HYDIN: variants seen among roughly 807,000 people sequenced by gnomAD.
The protein encoded by HYDIN is HYDIN axonemal central pair apparatus protein.
Under a neutral mutation model 403.9 loss-of-function variants are expected in HYDIN, and 132 were observed. The observed-to-expected ratio is 0.33, with a 90% CI of 0.28 to 0.38. The LOEUF (loss-of-function observed/expected upper bound fraction) is 0.38. HYDIN is among the 10% of genes least tolerant of loss of function. HYDIN has a pLI of 1.00. For synonymous variants in HYDIN, 1,202 were observed against 1,891.7 expected, an observed-to-expected ratio of 0.64 and a Z score of 9.46; for missense variants, 2,827 against 5,009.5, an observed-to-expected ratio of 0.56 and a Z score of 13.15.
chr16:70,938,247 G>A (rs1173357457), intron 44 of HYDIN, among the ~76,000 whole-genome samples: 5 of 152,222 alleles, frequency 3.3e-5, no homozygotes, highest in South Asian at 2.1e-4. Flanking sequence ...TTGAAGCACC[G>A]AGGCAGTGAG....
intron 83 of HYDIN, among the ~76,000 whole-genome samples, chr16:70,821,968 G>A (rs190799820): frequency 6.6e-6 from 1 of 152,122 alleles, no homozygotes; most frequent in Admixed American, 6.6e-5. Flanking sequence ...GGACACCCAG[G>A]AGCTCTGATG....
At chr16:70,995,444 A>C (rs1396028939) in intron 23 of HYDIN, among the ~76,000 whole-genome samples, 1 of 152,150 alleles carries the variant, frequency 6.6e-6, no homozygotes, top group Admixed American at 6.5e-5. Context: ...CCCGCTCATC[A>C]GCAGCACTGG....
At chr16:71,165,726 T>A (rs2086192878) in intron 5 of HYDIN, among the ~76,000 whole-genome samples, 3 of 152,072 alleles carry the variant, frequency 2.0e-5, no homozygotes, top group African/African-American at 7.2e-5. Flanking sequence ...AGAGCTCTTT[T>A]ACATGGCGTG....
intron 1 of HYDIN, 67 bp downstream of exon 1, chr16:71,230,495 G>A: frequency 6.9e-7 from 1 of 1,458,742 alleles, no homozygotes; most frequent in Admixed American, 2.3e-5. Flanking sequence ...ACGAAAAGAG[G>A]GGACGCCCCG....
chr16:70,852,655 C>T (rs2038732385), intron 73 of HYDIN: 1 of 150,758 alleles, frequency 6.6e-6, no homozygotes, highest in Admixed American at 6.6e-5. Context: ...CATGAAGAGA[C>T]ATTTCACTGA....
chr16:70,871,798 T>C (rs569286771), intron 65 of HYDIN, among the ~76,000 whole-genome samples: 18 of 128,268 alleles, frequency 1.4e-4, no homozygotes, highest in Admixed American at 4.1e-4. Context: ...ACAGGGCCCG[T>C]TGACAGCAGC....
chr16:70,992,208 A>G lies in HYDIN; in HGVS notation c.3647T>C (p.Phe1216Ser), dbSNP rs780520206. ...GTAGGGCTTCTTCGGCAATGTCACAAACCTACCAAAGCATGGGACAGGGAA... is the reference window on the plus strand; with the variant it reads ...GTAGGGCTTCTTCGGCAATGTCACAGACCTACCAAAGCATGGGACAGGGAA... ...LVNDEENQIRFVTLPKKPYSA... is the reference protein window; with the variant it reads ...LVNDEENQIRSVTLPKKPYSA... Residue 1216 changes from phenylalanine to serine, a missense_variant and splice_region_variant, in exon 24 of 86, where the codon TTT becomes TCT. By Grantham distance (155) the Phe-to-Ser change is radical. Transcript: ENST00000393567. The G allele has an allele frequency of 1.9e-6, 3 of 1,577,372 alleles. No individual in the cohort carries two copies. The highest frequency in any genetic ancestry group is 3.8e-5 in the Admixed American group (2 of 53,206).
intron 85 of HYDIN, among the ~76,000 whole-genome samples, chr16:70,809,073 T>C (rs368503261): frequency 2.0e-5 from 3 of 152,338 alleles, no homozygotes; most frequent in East Asian, 3.9e-4. Context: ...TTCTGTTTTT[T>C]AGAATTTTAT....
At chr16:70,951,248 C>CAGAGAGAGAGAGAGAGAGAGAG (rs376262243) in intron 41 of HYDIN, among the ~76,000 whole-genome samples, 1 of 130,402 alleles carries the variant, frequency 7.7e-6, no homozygotes, top group Non-Finnish European at 1.6e-5. Context: ...GGAAAAGGGA[C>CAGAGAGAGAGAGAGAGAGAGAG]AGAGAGAGAG....
intron 83 of HYDIN, among the ~76,000 whole-genome samples, chr16:70,821,342 T>A (rs2036246554): frequency 6.6e-6 from 1 of 151,798 alleles, no homozygotes; most frequent in African/African-American, 2.4e-5. Flanking sequence ...CCCTTCAGAC[T>A]GAAGAAGATC....
At chr16:70,851,711 A>G (rs529005900) in intron 73 of HYDIN, among the ~76,000 whole-genome samples, 2 of 146,980 alleles carry the variant, frequency 1.4e-5, no homozygotes, top group East Asian at 3.9e-4. Context: ...TCAACACAGC[A>G]ATCTCTTTAC....
chr16:70,990,045 GGAAA>G (rs2079296259), intron 25 of HYDIN, among the ~76,000 whole-genome samples: 1 of 152,144 alleles, frequency 6.6e-6, no homozygotes, highest in Non-Finnish European at 1.5e-5. Context: ...GGTAAAATGG[GGAAA>G]GATAGTGGTA....
chr16:71,230,354 C>T (rs2041225725), intron 1 of HYDIN, among the ~76,000 whole-genome samples: 1 of 152,176 alleles, frequency 6.6e-6, no homozygotes. Context: ...ACCTGTCTGG[C>T]AGGGGAATCC....
In HYDIN at chr16:71,020,193, A is replaced by C. The variant is rs999357433; in HGVS notation, c.3311T>G (p.Leu1104Arg). 26 of 1,613,840 alleles carry C rather than the reference A, an allele frequency of 1.6e-5. No homozygotes were observed. The highest frequency in any genetic ancestry group is 2.2e-5 in the Non-Finnish European group (26 of 1,179,954). ...PFFICETDKS[L>R]LPATPEPIKL... ...AGGTACCTCAGGAGTTGCCGGCAGC[A>C]GGGATTTATCAGTCTCACATATAAA... The change falls in exon 22 of 86, where the codon CTG becomes CGG. Residue 1104 changes from leucine (L) to arginine (R), a missense_variant. Transcript: ENST00000393567.
At chr16:71,188,540 T>A (rs2087268217) in intron 1 of HYDIN, among the ~76,000 whole-genome samples, 2 of 152,126 alleles carry the variant, frequency 1.3e-5, no homozygotes, top group Non-Finnish European at 1.5e-5. Flanking sequence ...TATTTTAGAG[T>A]GTGAAACACC....
chr16:71,225,611 T>C (rs939442015), intron 1 of HYDIN, among the ~76,000 whole-genome samples: 5 of 152,122 alleles, frequency 3.3e-5, no homozygotes, highest in African/African-American at 1.2e-4. Flanking sequence ...ATTCTGGCCA[T>C]AGGTATTGTG....
chr16:71,019,637 ATG>A (rs2080403001), intron 22 of HYDIN, among the ~76,000 whole-genome samples: 1 of 152,256 alleles, frequency 6.6e-6, no homozygotes, highest in African/African-American at 2.4e-5. Flanking sequence ...TTCCAGGAAA[ATG>A]ACATTATTGT....
intron 74 of HYDIN, among the ~76,000 whole-genome samples, 172 bp downstream of exon 74, chr16:70,850,276 A>T (rs971786276): frequency 1.4e-5 from 2 of 146,730 alleles, no homozygotes; most frequent in Non-Finnish European, 1.5e-5. Context: ...TAAGAAAAGC[A>T]TTCACATCAT....
At chr16:71,157,300 G>A (rs1206966959) in intron 6 of HYDIN, among the ~76,000 whole-genome samples, 3 of 151,516 alleles carry the variant, frequency 2.0e-5, no homozygotes, top group South Asian at 4.2e-4. Context: ...AATTTCCTGT[G>A]GGACATTATT....
Sources: gnomAD v4.1 joint callset for allele counts (sites outside exome capture counted in the v4.1 genomes callset) on GRCh38, gnomAD v4.1.1 for gene constraint, MANE v1.5 for transcripts, NCBI Gene and HGNC (gene_info 2026-07-23, HGNC 2026-07-21) for gene names.